NPSR1: variants seen among roughly 807,000 people sequenced by gnomAD.
NPSR1 encodes neuropeptide S receptor.
Under a neutral mutation model 46.9 loss-of-function variants are expected in NPSR1, and 48 were observed. The ratio of observed to expected loss-of-function variants is 1.02; its 90% CI spans 0.81 to 1.30. The LOEUF is 1.30. Among genes scored for constraint, NPSR1 ranks in the 50% most tolerant of loss-of-function variants. NPSR1 has a pLI of 0.00. For synonymous variants in NPSR1, 176 were observed against 168.1 expected, an observed-to-expected ratio of 1.05 and a Z score of -0.36; for missense variants, 450 against 449.5, an observed-to-expected ratio of 1.00 and a Z score of -0.01.
intron 2 of NPSR1, among the ~76,000 whole-genome samples, chr7:34,714,886 A>G (rs1583865369): frequency 6.6e-6 from 1 of 152,236 alleles, no homozygotes. Context: ...CATATCTATA[A>G]GAAATTGTAC....
intron 8 of NPSR1, among the ~76,000 whole-genome samples, chr7:34,870,903 A>ATGG (rs1562780718): frequency 0.013 from 1,593 of 120,920 alleles, 84 homozygotes; most frequent in African/African-American, 0.05. Context: ...TGGATGGATG[A>ATGG]ATGGATGGAT....
Position 34,741,294 on chromosome 7 carries a change from A to T in NPSR1, c.281-37168A>T, listed in dbSNP as rs187547794. Among the ~76,000 whole-genome samples the T allele has an allele frequency of 4.3e-4, 66 of 152,260 alleles. No individual in the cohort carries two copies. In the East Asian group the frequency reaches 9.9e-3, roughly 23 times the overall value. ...CCCTTTATCTCTCTGCCTTCCTCTA[A>T]GATACCCAGAGGTGAAAGCTCAGGG... On this transcript the variant is annotated intron_variant, in intron 2 of 8. Coordinates refer to ENST00000360581, the MANE Select transcript of NPSR1 (RefSeq NM_207172.2).
chr7:34,676,107 C>A (rs574865565), intron 1 of NPSR1, among the ~76,000 whole-genome samples: 12 of 152,220 alleles, frequency 7.9e-5, no homozygotes, highest in Middle Eastern at 3.4e-3. Context: ...AGGGTGAATT[C>A]AAGCATCACT....
chr7:34,792,722 T>TATAC (rs1787985652), intron 3 of NPSR1, among the ~76,000 whole-genome samples: 2 of 125,962 alleles, frequency 1.6e-5, no homozygotes, highest in South Asian at 2.4e-4. Context: ...TATTTATATA[T>TATAC]ATATATATAT....
At chr7:34,775,214 T>C (rs1040174491) in intron 2 of NPSR1, among the ~76,000 whole-genome samples, 1 of 152,204 alleles carries the variant, frequency 6.6e-6, no homozygotes, top group African/African-American at 2.4e-5. Context: ...CAGACCTTAT[T>C]ATGACAGATG....
At chr7:34,842,666 T>C (rs1790612565) in intron 6 of NPSR1, among the ~76,000 whole-genome samples, 1 of 152,236 alleles carries the variant, frequency 6.6e-6, no homozygotes, top group African/African-American at 2.4e-5. Context: ...CCTTACAGGG[T>C]ATGCTTTAAG....
chr7:34,781,336 A>G (rs973181133), intron 3 of NPSR1, among the ~76,000 whole-genome samples: 1 of 152,228 alleles, frequency 6.6e-6, no homozygotes, highest in Admixed American at 6.5e-5. Flanking sequence ...GCATTCAAGT[A>G]TAGACAGCTA....
chr7:34,750,289 G>A, intron 2 of NPSR1: 1 of 692,222 alleles, frequency 1.4e-6, no homozygotes, highest in Non-Finnish European at 2.7e-6. Flanking sequence ...TGAGAATGGG[G>A]GTTATTTTCT....
intron 2 of NPSR1, among the ~76,000 whole-genome samples, chr7:34,698,231 C>A (rs1390407377): frequency 2.0e-5 from 3 of 152,142 alleles, no homozygotes; most frequent in Non-Finnish European, 4.4e-5. Flanking sequence ...ATTTCTTGAT[C>A]TTGCTTGTAG....
At chr7:34,658,622 A>T (rs2530549) in intron 1 of NPSR1, 63 bp downstream of exon 1, 2 of 1,491,250 alleles carry the variant, frequency 1.3e-6, no homozygotes, top group Non-Finnish European at 1.9e-6. Context: ...GGAACTTAAG[A>T]GTGTCAATTG....
intron 1 of NPSR1, among the ~76,000 whole-genome samples, chr7:34,661,595 A>G (rs1229195584): frequency 6.6e-6 from 1 of 152,112 alleles, no homozygotes; most frequent in African/African-American, 2.4e-5. Context: ...TCCACCCTTG[A>G]ATTCTGGCTT....
chr7:34,674,708 G>C (rs1419110471), intron 1 of NPSR1, among the ~76,000 whole-genome samples: 3 of 152,136 alleles, frequency 2.0e-5, no homozygotes, highest in African/African-American at 7.2e-5. Context: ...AACATGAGGG[G>C]CACGGAAAGC....
chr7:34,731,399 A>G (rs1279528871), intron 2 of NPSR1, among the ~76,000 whole-genome samples: 1 of 152,222 alleles, frequency 6.6e-6, no homozygotes, highest in East Asian at 1.9e-4. Flanking sequence ...AAATTTTCCA[A>G]TAAGAAAAGA....
intron 2 of NPSR1, among the ~76,000 whole-genome samples, chr7:34,752,756 T>G (rs2128724808): frequency 6.6e-6 from 1 of 152,324 alleles, no homozygotes; most frequent in African/African-American, 2.4e-5. Context: ...AATGACAACC[T>G]GTGGTCCTTA....
intron 4 of NPSR1, among the ~76,000 whole-genome samples, chr7:34,825,970 T>C (rs906903190): frequency 6.6e-6 from 1 of 152,158 alleles, no homozygotes; most frequent in African/African-American, 2.4e-5. Context: ...CTTGAAATCT[T>C]CTTGGGAATT....
chr7:34,784,943 C>G (rs1424391744), intron 3 of NPSR1, among the ~76,000 whole-genome samples: 1 of 152,086 alleles, frequency 6.6e-6, no homozygotes, highest in Non-Finnish European at 1.5e-5. Flanking sequence ...GAACTGTAAA[C>G]TAGATCAACC....
At chr7:34,804,105 T>G (rs1788569306) in intron 3 of NPSR1, among the ~76,000 whole-genome samples, 1 of 152,078 alleles carries the variant, frequency 6.6e-6, no homozygotes, top group Non-Finnish European at 1.5e-5. Flanking sequence ...TGCAGTCTTC[T>G]CTAGAAAACA....
intron 3 of NPSR1, among the ~76,000 whole-genome samples, chr7:34,791,011 AT>A (rs1290752000): frequency 8.3e-6 from 1 of 120,756 alleles, no homozygotes; most frequent in Non-Finnish European, 1.6e-5. Context: ...GTTATATGTT[AT>A]ATTATATATG....
intron 4 of NPSR1, among the ~76,000 whole-genome samples, chr7:34,821,021 C>A (rs928047589): frequency 4.6e-5 from 7 of 151,846 alleles, no homozygotes; most frequent in African/African-American, 1.7e-4. Context: ...GGAACAGCCT[C>A]TCAGGTTAAA....
Sources: gnomAD v4.1 joint callset for allele counts (sites outside exome capture counted in the v4.1 genomes callset) on GRCh38, gnomAD v4.1.1 for gene constraint, MANE v1.5 for transcripts, NCBI Gene and HGNC (gene_info 2026-07-23, HGNC 2026-07-21) for gene names.